Variants in CYP7B1 observed in about 807,000 individuals in gnomAD.
CYP7B1 encodes the protein cytochrome P450 family 7 subfamily B member 1, also known as cytochrome P450 7B1.
CYP7B1 carries 29 observed loss-of-function variants against 42.7 expected under a neutral mutation model. The ratio of observed to expected loss-of-function variants is 0.68; its 90% CI spans 0.51 to 0.93. The LOEUF is 0.93. Among genes scored for constraint, CYP7B1 ranks in the 40% least tolerant of loss-of-function variants. The pLI is 0.00. For missense variants in CYP7B1, 655 were observed against 600.5 expected (o/e 1.09, Z -0.95); for synonymous variants, 235 against 218.2 (o/e 1.08, Z -0.68).
At chr8:64,630,149 G>A (rs992599850) in intron 1 of CYP7B1, among the ~76,000 whole-genome samples, 1 of 152,062 alleles carries the variant, frequency 6.6e-6, no homozygotes, top group African/African-American at 2.4e-5. Context: ...CAACAGAAAG[G>A]AAGTGGGGGG....
At position 64,755,504 on chromosome 8, in the gene CYP7B1, C is replaced by T. The variant is rs573906879; in HGVS notation, c.122+42962G>A. 4.1e-4 allele frequency among the ~76,000 whole-genome samples: 62 copies of T among 152,124 alleles called. 1 individual carries two copies. The highest frequency in any genetic ancestry group is 1.3e-3 in the African/African-American group (53 of 41,484). On this transcript the variant is annotated intron_variant, in intron 1 of 5. Transcript: ENST00000310193. Reference sequence around the variant, plus strand: ...CACGATCTCGGCTCACTGCAACCTCCGCCTCCCAGGTTCTAGTGATTCTCC... The same window carrying T: ...CACGATCTCGGCTCACTGCAACCTCTGCCTCCCAGGTTCTAGTGATTCTCC...
chr8:64,615,180 C>T lies in CYP7B1; in HGVS notation c.903G>A (p.Met301Ile), dbSNP rs769758869. The T allele has an allele frequency of 6.2e-7, 1 of 1,613,498 alleles. No homozygotes were observed. The highest frequency in any genetic ancestry group is 8.5e-7 in the Non-Finnish European group (1 of 1,179,720). Reference protein sequence around the residue: ...WASVANTIPTMFWAMYYLLRH... With the variant: ...WASVANTIPTIFWAMYYLLRH... ...GCAGAAGATAATACATTGCCCAGAA[C>T]ATAGTTGGAATAGTGTTTGCCACAG... Residue 301 changes from methionine to isoleucine, a missense_variant, in exon 4 of 6, where the codon ATG (methionine) becomes ATA (isoleucine). By Grantham distance (10) the Met-to-Ile change is conservative (BLOSUM62 1). Coordinates refer to ENST00000310193, the MANE Select transcript of CYP7B1 (RefSeq NM_004820.5).
intron 4 of CYP7B1, among the ~76,000 whole-genome samples, chr8:64,605,983 G>A (rs916020719): frequency 1.3e-5 from 2 of 152,168 alleles, no homozygotes; most frequent in Non-Finnish European, 2.9e-5. Context: ...AAAAATAAAT[G>A]TTATTTCAGT....
At chr8:64,601,569 T>C (rs1468832587) in intron 5 of CYP7B1, among the ~76,000 whole-genome samples, 1 of 152,192 alleles carries the variant, frequency 6.6e-6, no homozygotes, top group African/African-American at 2.4e-5. Context: ...ATGGCTAACA[T>C]TACAATAAGT....
intron 1 of CYP7B1, among the ~76,000 whole-genome samples, chr8:64,660,094 C>T (rs2129631397): frequency 6.6e-6 from 1 of 152,274 alleles, no homozygotes; most frequent in South Asian, 2.1e-4. Flanking sequence ...CACATTATTT[C>T]AATTAATCTC....
chr8:64,746,089 A>C (rs1257867299), intron 1 of CYP7B1, among the ~76,000 whole-genome samples: 1 of 152,166 alleles, frequency 6.6e-6, no homozygotes, highest in Non-Finnish European at 1.5e-5. Flanking sequence ...AGCTGGATCT[A>C]AGTTGAATTA....
At chr8:64,766,113 T>A (rs1026747212) in intron 1 of CYP7B1, among the ~76,000 whole-genome samples, 1 of 152,158 alleles carries the variant, frequency 6.6e-6, no homozygotes, top group South Asian at 2.1e-4. Flanking sequence ...CACCAAGCAG[T>A]TCCCAGTGTA....
chr8:64,658,712 T>C (rs1418924259), intron 1 of CYP7B1, among the ~76,000 whole-genome samples: 1 of 152,232 alleles, frequency 6.6e-6, no homozygotes, highest in Admixed American at 6.5e-5. Context: ...CCGCCTTCAC[T>C]AAGCTCCTCT....
At chr8:64,604,585 T>G (rs949061913) in intron 5 of CYP7B1, 97 bp downstream of exon 5, 12 of 1,455,788 alleles carry the variant, frequency 8.2e-6, no homozygotes, top group Middle Eastern at 1.8e-4. Context: ...CTCAAACCCC[T>G]TCTGGACCAA....
intron 5 of CYP7B1, among the ~76,000 whole-genome samples, chr8:64,603,857 T>C (rs1416363989): frequency 6.6e-6 from 1 of 152,198 alleles, no homozygotes; most frequent in East Asian, 1.9e-4. Context: ...ACATCTATCT[T>C]AGCAATTAGA....
At chr8:64,768,360 C>CAAAAAAAAAGAAAAAAAAAA (rs1804146751) in intron 1 of CYP7B1, among the ~76,000 whole-genome samples, 1 of 132,160 alleles carries the variant, frequency 7.6e-6, no homozygotes. Flanking sequence ...CGTGCAACTC[C>CAAAAAAAAAGAAAAAAAAAA]AAAAAAAAAA....
intron 1 of CYP7B1, among the ~76,000 whole-genome samples, chr8:64,765,203 A>G (rs189970043): frequency 2.6e-5 from 4 of 152,336 alleles, no homozygotes; most frequent in Non-Finnish European, 5.9e-5. Context: ...TTGAAATCCT[A>G]AATCTACAAG....
chr8:64,725,050 A>G (rs572692790), intron 1 of CYP7B1, among the ~76,000 whole-genome samples: 1 of 152,348 alleles, frequency 6.6e-6, no homozygotes, highest in Admixed American at 6.5e-5. Context: ...GAAGCCAAGA[A>G]GAATCTGAAC....
At chr8:64,771,047 CTTTTTTTTTTTTTTT>C (rs757503820) in intron 1 of CYP7B1, among the ~76,000 whole-genome samples, 6 of 42,504 alleles carry the variant, frequency 1.4e-4, no homozygotes, top group Admixed American at 1.3e-3. Context: ...ATATCAGCAT[CTTTTTTTTTTTTTTT>C]TTTTTTTTTT....
intron 1 of CYP7B1, among the ~76,000 whole-genome samples, chr8:64,646,098 A>G (rs1805950184): frequency 6.6e-6 from 1 of 152,238 alleles, no homozygotes; most frequent in Non-Finnish European, 1.5e-5. Context: ...CAAAAACCCT[A>G]GAAGAAAACC....
At chr8:64,598,657 C>A (rs909842451) in intron 5 of CYP7B1, among the ~76,000 whole-genome samples, 1 of 152,150 alleles carries the variant, frequency 6.6e-6, no homozygotes, top group African/African-American at 2.4e-5. Flanking sequence ...AATGAATGTG[C>A]TAACCTCTGA....
chr8:64,729,193 G>T (rs747600216), intron 1 of CYP7B1, among the ~76,000 whole-genome samples: 2 of 152,130 alleles, frequency 1.3e-5, no homozygotes, highest in Non-Finnish European at 2.9e-5. Flanking sequence ...GAAGCTCTAA[G>T]ATAACAGCTA....
At chr8:64,681,016 A>C (rs763133225) in intron 1 of CYP7B1, among the ~76,000 whole-genome samples, 97 of 152,328 alleles carry the variant, frequency 6.4e-4, no homozygotes, top group Non-Finnish European at 1.1e-3. Context: ...CAGAATTTTC[A>C]ATTTTCTCAC....
intron 1 of CYP7B1, chr8:64,703,652 G>A (rs1344493942): frequency 1.3e-5 from 2 of 151,930 alleles, no homozygotes; most frequent in Non-Finnish European, 2.9e-5. Context: ...AAAGGGAGGA[G>A]AATATATGAA....
Sources: allele counts gnomAD v4.1 joint callset (sites outside exome capture counted in the v4.1 genomes callset), GRCh38; gene constraint gnomAD v4.1.1; transcripts MANE v1.5; gene names NCBI Gene and HGNC (gene_info 2026-07-23, HGNC 2026-07-21).